Variants in TUT7 observed in about 807,000 individuals in gnomAD.
The protein encoded by TUT7 is terminal uridylyl transferase 7.
Under a neutral mutation model 165.9 loss-of-function variants are expected in TUT7, and 33 were observed. The ratio of observed to expected loss-of-function variants is 0.20; its 90% confidence interval spans 0.15 to 0.27. TUT7 has a LOEUF of 0.27. Ranked by LOEUF, TUT7 falls within the 10% of genes least tolerant of loss-of-function variation. The pLI is 1.00. For missense variants in TUT7, 1,338 were observed against 1,762.3 expected, an observed-to-expected ratio of 0.76 and a Z score of 4.31; for synonymous variants, 552 against 608.1, an observed-to-expected ratio of 0.91 and a Z score of 1.36.
intron 5 of TUT7, among the ~76,000 whole-genome samples, 188 bp from the exon 6 acceptor site, chr9:86,343,351 G>T (rs1018354472): frequency 6.6e-6 from 1 of 152,108 alleles, no homozygotes; most frequent in African/African-American, 2.4e-5. Context: ...AATTTAATAG[G>T]GAAGGCTGCA....
intron 5 of TUT7, 111 bp downstream of exon 5, chr9:86,344,866 G>C (rs974149100): frequency 1.9e-6 from 2 of 1,066,122 alleles, no homozygotes; most frequent in South Asian, 1.8e-5. Flanking sequence ...GAAAACACAA[G>C]AGCTTCATGA....
At chr9:86,343,216 A>C in intron 5 of TUT7, 53 bp from the exon 6 acceptor site, 1 of 1,161,940 alleles carries the variant, frequency 8.6e-7, no homozygotes, top group Non-Finnish European at 1.2e-6. Context: ...ATTTCTCAAA[A>C]GTTATAACAA....
chr9:86,301,343 T>C lies in TUT7; in HGVS notation c.4353A>G (p.Lys1451=). 3 of 1,614,104 alleles carry C rather than the reference T, an allele frequency of 1.9e-6. No homozygotes were observed. Among genetic ancestry groups the C allele is most frequent in the Non-Finnish European group, 2.5e-6 (3 of 1,180,008 alleles). The change falls in exon 26 of 27, where the codon AAA becomes AAG. Residue 1451 remains lysine, a synonymous_variant. Coordinates refer to ENST00000375963, the MANE Select transcript of TUT7 (RefSeq NM_024617.4). ...KRQDDKDLRE[K]RCFICGREGH... is the part of the protein sequence containing the mutation. ...CTTCTCTTCCACAAATAAAACAACG[T>C]TTTTCTCTTAAGTCTTTGTCATCCT... is the stretch of plus-strand genomic sequence containing the variant.
chr9:86,304,707 G>A (rs1273542154), intron 24 of TUT7, 149 bp downstream of exon 24: 3 of 510,936 alleles, frequency 5.9e-6, no homozygotes, highest in Non-Finnish European at 1.0e-5. Context: ...TTAAGAAAAA[G>A]GGGGGCTCTG....
intron 11 of TUT7, among the ~76,000 whole-genome samples, chr9:86,327,646 C>T (rs1294480368): frequency 1.3e-5 from 2 of 152,230 alleles, no homozygotes; most frequent in Non-Finnish European, 2.9e-5. Context: ...CCTCCTCCTC[C>T]CAGTGTTCAA....
chr9:86,305,245 C>G lies in TUT7; in HGVS notation c.3839-6G>C, dbSNP rs1487204187. The G allele has an allele frequency of 6.3e-7, 1 of 1,582,816 alleles. No individual in the cohort carries two copies. The highest frequency in any genetic ancestry group is 8.6e-7 in the Non-Finnish European group (1 of 1,167,806). ...ATGATTCAAATCAAAGGGATCTAAG[C>G]AAAAAAATTTAAGAGCAAATAAGGT... On this transcript the variant is annotated splice_polypyrimidine_tract_variant and splice_region_variant and intron_variant, in intron 22 of 26. Transcript: ENST00000375963.
chr9:86,323,182 C>T lies in TUT7; in HGVS notation c.2568G>A (p.Glu856=). The change falls in exon 13 of 27, where the codon GAG becomes GAA. Residue 856 remains glutamate (E), a synonymous_variant. Coordinates refer to ENST00000375963, the MANE Select transcript of TUT7 (RefSeq NM_024617.4). ...EEEEDDEEEE[E]EEEPRLTINQ... ...TAATGGTGAGCCTAGGTTCTTCTTC[C>T]TCCTCCTCTTCTTCGTCGTCCTCCT... 1 of 1,614,132 alleles carries T rather than the reference C, an allele frequency of 6.2e-7. No homozygotes were observed. The highest frequency in any genetic ancestry group is 8.5e-7 in the Non-Finnish European group (1 of 1,179,990).
intron 10 of TUT7, among the ~76,000 whole-genome samples, chr9:86,331,404 T>C (rs1830302052): frequency 1.3e-5 from 2 of 152,250 alleles, no homozygotes; most frequent in African/African-American, 2.4e-5. Flanking sequence ...ATACTATCTA[T>C]ACTGATTTTT....
intron 11 of TUT7, among the ~76,000 whole-genome samples, chr9:86,327,149 G>T (rs1271822522): frequency 6.6e-6 from 1 of 152,104 alleles, no homozygotes; most frequent in East Asian, 1.9e-4. Context: ...AAACCCCCCA[G>T]AAATTTTAAG....
intron 15 of TUT7, 21 bp downstream of exon 15, chr9:86,319,563 A>T (rs747280760): frequency 6.5e-7 from 1 of 1,533,266 alleles, no homozygotes; most frequent in South Asian, 1.2e-5. Flanking sequence ...TTTTCTTAAA[A>T]ATAAAAAATA....
chr9:86,328,870 A>G (rs1361551979), intron 10 of TUT7, among the ~76,000 whole-genome samples: 1 of 152,158 alleles, frequency 6.6e-6, no homozygotes, highest in African/African-American at 2.4e-5. Context: ...TCCTTTAAAA[A>G]GGGGTAACAC....
Position 86,288,232 on chromosome 9 carries a change from T to C in TUT7, c.*445A>G, listed in dbSNP as rs60328487. 441 of 153,564 alleles carry C rather than the reference T, an allele frequency of 2.9e-3. 2 individuals carry two copies. The highest frequency in any genetic ancestry group is 0.019 in the East Asian group (100 of 5,212). The allele number at this position is 153,564 out of a possible 1,614,324, so 9.5% of individuals were successfully genotyped here. ...AGTAGCAGTTCATACATATCTGATA[T>C]GCTTTCACACCAGGATTCAGTAAAC... On this transcript the variant is annotated 3_prime_UTR_variant, in exon 27 of 27. Transcript: ENST00000375963.
chr9:86,343,816 C>G (rs1300161573), intron 5 of TUT7, among the ~76,000 whole-genome samples: 1 of 152,168 alleles, frequency 6.6e-6, no homozygotes, highest in African/African-American at 2.4e-5. Flanking sequence ...TATATGAGTA[C>G]TATCTATAGT....
chr9:86,312,233 A>G (rs374449447), intron 17 of TUT7, among the ~76,000 whole-genome samples: 2 of 142,388 alleles, frequency 1.4e-5, no homozygotes, highest in African/African-American at 2.7e-5. Context: ...CTGCCCGGCC[A>G]CCCATCGTCT....
intron 6 of TUT7, among the ~76,000 whole-genome samples, chr9:86,341,757 C>T (rs1421233604): frequency 1.3e-5 from 2 of 152,162 alleles, no homozygotes; most frequent in South Asian, 2.1e-4. Context: ...CTGCAGGCTC[C>T]TTTTCGTCTT....
At chr9:86,307,950 C>T (rs1179047953) in intron 22 of TUT7, among the ~76,000 whole-genome samples, 2 of 152,014 alleles carry the variant, frequency 1.3e-5, no homozygotes, top group African/African-American at 2.4e-5. Flanking sequence ...GCCGAGATAG[C>T]GCTACTGCAC....
chr9:86,348,648 G>A (rs533138994), intron 2 of TUT7, among the ~76,000 whole-genome samples: 105 of 152,218 alleles, frequency 6.9e-4, no homozygotes, highest in Middle Eastern at 3.4e-3. Flanking sequence ...AGCTACTCAG[G>A]AGGCTGAGAC....
At chr9:86,303,411 C>A (rs1827135893) in intron 24 of TUT7, among the ~76,000 whole-genome samples, 1 of 152,052 alleles carries the variant, frequency 6.6e-6, no homozygotes, top group Non-Finnish European at 1.5e-5. Flanking sequence ...TTTGTTTATT[C>A]CTTTTAGTCA....
intron 5 of TUT7, among the ~76,000 whole-genome samples, chr9:86,343,364 A>C (rs964057356): frequency 1.3e-5 from 2 of 152,228 alleles, no homozygotes; most frequent in African/African-American, 4.8e-5. Context: ...AGGCTGCATC[A>C]ACTATGATTT....
Sources: allele counts gnomAD v4.1 joint callset (sites outside exome capture counted in the v4.1 genomes callset), GRCh38; gene constraint gnomAD v4.1.1; transcripts MANE v1.5; gene names NCBI Gene and HGNC (gene_info 2026-07-23, HGNC 2026-07-21).